The following TTBK2 variants were observed in gnomAD, a reference collection of about 807,000 sequenced individuals.
TTBK2 encodes tau tubulin kinase 2.
TTBK2 carries 28 observed loss-of-function variants against 110.8 expected under a neutral mutation model. The ratio of observed to expected loss-of-function variants is 0.25; its 90% CI spans 0.19 to 0.35. TTBK2 has a LOEUF of 0.35. Ranked by LOEUF, TTBK2 falls within the 10% of genes least tolerant of loss-of-function variation. The probability of loss-of-function intolerance (pLI) is 1.00; values close to 1 mark genes in which losing one functional copy is unlikely to be tolerated. For missense variants in TTBK2, 1,369 were observed against 1,500.3 expected (o/e 0.91, Z 1.45); for synonymous variants, 532 against 527.3 (o/e 1.01, Z -0.12).
chr15:42,834,675 G>C (rs755468449), intron 4 of TTBK2, among the ~76,000 whole-genome samples: 9 of 152,130 alleles, frequency 5.9e-5, no homozygotes, highest in Non-Finnish European at 1.0e-4. Flanking sequence ...TTGGGGGTTT[G>C]AGATTAGCCT....
rs985558439 is a variant in TTBK2 at position 42,871,561 on chromosome 15, T to A, written c.217+1050A>T. The stretch of plus-strand genomic sequence containing the variant: ...TGATAGTAAAACAGGTATCCTGGGA[T>A]CTGTGCAACCCAGGAAGATGTAGCT... On this transcript the variant is annotated intron_variant, in intron 3 of 14. Transcript: ENST00000267890. The A allele has an allele frequency of 3.0e-6, 3 of 985,274 alleles. No individual in the cohort carries two copies. In the African/African-American group the frequency reaches 5.2e-5, roughly 17 times the overall value. The allele number at this position is 985,274 out of a possible 1,614,324, so 61.0% of individuals were successfully genotyped here.
At chr15:42,869,877 G>C (rs1290523331) in intron 3 of TTBK2, among the ~76,000 whole-genome samples, 3 of 152,096 alleles carry the variant, frequency 2.0e-5, no homozygotes, top group African/African-American at 7.2e-5. Context: ...TAAAAACCAA[G>C]TAAAATTCAA....
chr15:42,865,523 A>AACC (rs1567067049), intron 3 of TTBK2, among the ~76,000 whole-genome samples: 1 of 150,120 alleles, frequency 6.7e-6, no homozygotes, highest in Non-Finnish European at 1.5e-5. Context: ...TAAAAAAAAA[A>AACC]AAAAAACCAA....
chr15:42,912,418 A>C (rs141311377), intron 1 of TTBK2, among the ~76,000 whole-genome samples: 61 of 152,318 alleles, frequency 4.0e-4, no homozygotes, highest in South Asian at 2.9e-3. Context: ...ATAAGATTCT[A>C]CTCTTTGGCC....
chr15:42,880,721 A>G (rs1039817259), intron 1 of TTBK2, among the ~76,000 whole-genome samples: 1 of 152,112 alleles, frequency 6.6e-6, no homozygotes, highest in South Asian at 2.1e-4. Context: ...CACAGAAATT[A>G]TGTCCTACAA....
At chr15:42,875,471 A>G (rs1040579343) in intron 2 of TTBK2, among the ~76,000 whole-genome samples, 10 of 152,054 alleles carry the variant, frequency 6.6e-5, no homozygotes, top group African/African-American at 2.4e-4. Flanking sequence ...CTCCCCCACC[A>G]AGAGGTAGAG....
intron 1 of TTBK2, among the ~76,000 whole-genome samples, chr15:42,915,946 AAAAG>A (rs776356586): frequency 1.3e-5 from 2 of 152,194 alleles, no homozygotes; most frequent in Non-Finnish European, 2.9e-5. Context: ...TGTCTCCAAA[AAAAG>A]AAAGAAAGCA....
intron 13 of TTBK2, among the ~76,000 whole-genome samples, chr15:42,772,299 C>T (rs572982534): frequency 6.6e-6 from 1 of 152,134 alleles, no homozygotes; most frequent in African/African-American, 2.4e-5. Context: ...ATGGAGAGGC[C>T]CAAATGGCGA....
At chr15:42,908,683 G>A (rs1428988357) in intron 1 of TTBK2, among the ~76,000 whole-genome samples, 1 of 152,152 alleles carries the variant, frequency 6.6e-6, no homozygotes, top group African/African-American at 2.4e-5. Flanking sequence ...CCAAGGGAAT[G>A]TACTTTGAAA....
At chr15:42,813,554 A>G (rs1891814956) in intron 7 of TTBK2, among the ~76,000 whole-genome samples, 1 of 152,012 alleles carries the variant, frequency 6.6e-6, no homozygotes, top group Admixed American at 6.6e-5. Context: ...TTTAAAAAGG[A>G]CAAATTAAGG....
At chr15:42,798,274 G>A in intron 9 of TTBK2, 1 of 456,164 alleles carries the variant, frequency 2.2e-6, no homozygotes, top group South Asian at 1.5e-5. Context: ...TCTCAAACTG[G>A]AAAGGGAGAA....
At chr15:42,916,613 G>T (rs1367779271) in intron 1 of TTBK2, among the ~76,000 whole-genome samples, 1 of 152,322 alleles carries the variant, frequency 6.6e-6, no homozygotes, top group East Asian at 1.9e-4. Flanking sequence ...TTACACGTGT[G>T]AGCCACCACA....
At chr15:42,854,196 C>G (rs1459360406) in intron 3 of TTBK2, among the ~76,000 whole-genome samples, 1 of 152,206 alleles carries the variant, frequency 6.6e-6, no homozygotes, top group Non-Finnish European at 1.5e-5. Flanking sequence ...GCCTTGGCCT[C>G]CCAAAGTGCT....
At chr15:42,756,095 G>A (rs139248552) in intron 13 of TTBK2, among the ~76,000 whole-genome samples, 1 of 152,062 alleles carries the variant, frequency 6.6e-6, no homozygotes, top group Non-Finnish European at 1.5e-5. Flanking sequence ...TTCTCGGGAA[G>A]CTGAGGTGGG....
Position 42,802,467 on chromosome 15 carries a change from G to T in TTBK2, c.823-7666C>A. On this transcript the variant is annotated intron_variant, in intron 9 of 14. Transcript: ENST00000267890. Reference sequence around the variant, plus strand: ...AGAAGGAGTGGAGAAGCTGCTTCTTGGTCTGCACACAGTCTTTACTTCTCT... The same window carrying T: ...AGAAGGAGTGGAGAAGCTGCTTCTTTGTCTGCACACAGTCTTTACTTCTCT... 1.1e-5 allele frequency: 7 copies of T among 655,944 alleles called. 1 individual carries two copies. The South Asian group carries it at 1.1e-4, about 10-fold the overall frequency. 40.6% of individuals were successfully genotyped at this position (655,944 alleles called of 1,614,324 possible).
intron 3 of TTBK2, 44 bp from the exon 4 acceptor site, chr15:42,840,477 T>G: frequency 6.5e-7 from 1 of 1,537,864 alleles, no homozygotes; most frequent in Non-Finnish European, 9.0e-7. Context: ...TACTATGGTT[T>G]CTCTTAAAAA....
chr15:42,885,386 T>G (rs1895201258), intron 1 of TTBK2, among the ~76,000 whole-genome samples: 1 of 152,218 alleles, frequency 6.6e-6, no homozygotes, highest in African/African-American at 2.4e-5. Flanking sequence ...TCTTTCTCCT[T>G]TCAATCTTGG....
chr15:42,859,157 T>G (rs1291873232), intron 3 of TTBK2, among the ~76,000 whole-genome samples: 1 of 152,166 alleles, frequency 6.6e-6, no homozygotes, highest in African/African-American at 2.4e-5. Context: ...CAGGCTGGAG[T>G]GCAGTGGCAT....
chr15:42,855,670 T>C (rs1388780320), intron 3 of TTBK2, among the ~76,000 whole-genome samples: 1 of 152,146 alleles, frequency 6.6e-6, no homozygotes, highest in East Asian at 1.9e-4. Context: ...CCACAACTTA[T>C]TTATTTATTT....
Sources: gnomAD v4.1 joint callset for allele counts (sites outside exome capture counted in the v4.1 genomes callset) on GRCh38, gnomAD v4.1.1 for gene constraint, MANE v1.5 for transcripts, NCBI Gene and HGNC (gene_info 2026-07-23, HGNC 2026-07-21) for gene names.